The following CELF5 variants were observed in gnomAD, a reference collection of about 807,000 sequenced individuals.
The protein encoded by CELF5 is CUGBP Elav-like family member 5.
In CELF5, 6 loss-of-function variants were observed where a neutral mutation model predicts 54.9. That is an observed-to-expected ratio of 0.11 (90% CI 0.06 to 0.22). The LOEUF is 0.22. Ranked by LOEUF, CELF5 falls within the 10% of genes least tolerant of loss-of-function variation. CELF5 has a pLI of 1.00. For missense variants in CELF5, 401 were observed against 678.6 expected (o/e 0.59, Z 4.54); for synonymous variants, 271 against 290.9 (o/e 0.93, Z 0.70).
Position 3,272,771 on chromosome 19 carries a change from G to A in CELF5, c.343-1101G>A, listed in dbSNP as rs554875483. Among the ~76,000 whole-genome samples the A allele has an allele frequency of 1.5e-3, 226 of 152,292 alleles. 1 individual carries two copies. The highest frequency in any genetic ancestry group is 5.2e-3 in the African/African-American group (216 of 41,552). On this transcript the variant is annotated intron_variant, in intron 2 of 12. Transcript: ENST00000292672. ...GAGTGGGAAGAGTCCCTGCATGGGGGCTTTTAAGTTGGGTTTTGAAGGTTG... is the reference window on the plus strand; with the variant it reads ...GAGTGGGAAGAGTCCCTGCATGGGGACTTTTAAGTTGGGTTTTGAAGGTTG...
intron 11 of CELF5, among the ~76,000 whole-genome samples, chr19:3,291,053 G>A (rs1293438351): frequency 1.3e-5 from 2 of 151,820 alleles, no homozygotes; most frequent in Non-Finnish European, 2.9e-5. Context: ...TTGAACCCAG[G>A]AGTTCAAGAC....
At chr19:3,270,932 G>A (rs2079952130) in intron 2 of CELF5, among the ~76,000 whole-genome samples, 1 of 151,974 alleles carries the variant, frequency 6.6e-6, no homozygotes, top group Admixed American at 6.6e-5. Context: ...AGAACAAGGT[G>A]GGGGTGGAGG....
chr19:3,265,762 A>G (rs924178157), intron 2 of CELF5, among the ~76,000 whole-genome samples: 20 of 152,174 alleles, frequency 1.3e-4, no homozygotes, highest in Non-Finnish European at 2.2e-4. Flanking sequence ...CGGCTGCTCT[A>G]TGCAGTAGCC....
chr19:3,250,945 G>A (rs920303612), intron 1 of CELF5, 40 bp from the exon 2 acceptor site: 5 of 1,478,452 alleles, frequency 3.4e-6, no homozygotes, highest in Non-Finnish European at 4.7e-6. Context: ...CCATGGGTGT[G>A]CCCGTGCTCT....
Position 3,268,798 on chromosome 19 carries a change from A to G in CELF5, c.343-5074A>G, listed in dbSNP as rs1044102286. 1.3e-5 allele frequency among the ~76,000 whole-genome samples: 2 copies of G among 151,952 alleles called. No homozygotes were observed. The highest frequency in any genetic ancestry group is 2.4e-5 in the African/African-American group (1 of 41,356). ...AATGCCTGGGCAAGACAATGGAAGC[A>G]GATGGAGAGAGAGCACGGAAGACTT... is the stretch of plus-strand genomic sequence containing the variant. On this transcript the variant is annotated intron_variant, in intron 2 of 12. Coordinates refer to ENST00000292672, the MANE Select transcript of CELF5 (RefSeq NM_021938.4). The surrounding 1 kb of genome is among the most constrained non-coding windows in gnomAD (Gnocchi z 4.4).
At chr19:3,265,580 G>A (rs749097882) in intron 2 of CELF5, among the ~76,000 whole-genome samples, 7 of 151,922 alleles carry the variant, frequency 4.6e-5, no homozygotes, top group African/African-American at 7.3e-5. Flanking sequence ...TCCCACCCAC[G>A]CCATGACAGT....
At position 3,284,883 on chromosome 19, in the gene CELF5, C is replaced by T. The variant is rs921492429; in HGVS notation, c.1040-19C>T. 5 of 1,611,266 alleles carry T rather than the reference C, an allele frequency of 3.1e-6. No individual in the cohort carries two copies. In the Admixed American group the frequency reaches 8.4e-5, roughly 27 times the overall value. On this transcript the variant is annotated intron_variant, in intron 8 of 12. Coordinates refer to ENST00000292672, the MANE Select transcript of CELF5 (RefSeq NM_021938.4). ...CTTCTGCTGCTCCCGCCCCACTCAG[C>T]CCCTCTGTCTGCCCGCAGCTCAGAG...
chr19:3,248,906 C>CTTCCTTCCTTCCTT (rs1156318823), intron 1 of CELF5, among the ~76,000 whole-genome samples: 1 of 113,404 alleles, frequency 8.8e-6, no homozygotes, highest in African/African-American at 3.2e-5. Context: ...TCCTTCCTTC[C>CTTCCTTCCTTCCTT]TTTCTTTCTT....
intron 1 of CELF5, among the ~76,000 whole-genome samples, chr19:3,235,813 G>A (rs201678190): frequency 6.7e-6 from 1 of 149,874 alleles, no homozygotes. Context: ...TGGATGGATG[G>A]ATGTGTGGAT....
chr19:3,273,952 G>C, intron 3 of CELF5, 29 bp downstream of exon 3: 4 of 1,606,648 alleles, frequency 2.5e-6, no homozygotes, highest in Non-Finnish European at 3.4e-6. Context: ...CTGCCAGGCT[G>C]GGGGTTGGCG....
chr19:3,284,921 C>CGA lies in CELF5; in HGVS notation c.1062_1063dup (p.Thr355ArgfsTer63). ...CCGCAGCTCAGAGCCCGACTGTGGC[C>CGA]GAGACACTGCATCCTGCCTTCTCCG... is the stretch of plus-strand genomic sequence containing the variant. On this transcript the variant is annotated frameshift_variant, in exon 9 of 13. Transcript: ENST00000292672. LOFTEE classifies it high-confidence loss of function. The CGA allele has an allele frequency of 6.2e-7, 1 of 1,613,134 alleles. No individual in the cohort carries two copies. The highest frequency in any genetic ancestry group is 1.1e-5 in the South Asian group (1 of 90,982).
Position 3,263,806 on chromosome 19 carries a change from GA to G in CELF5, c.343-10064del, listed in dbSNP as rs1172473907. Among the ~76,000 whole-genome samples, 5 of 144,010 alleles carry G rather than the reference GA, an allele frequency of 3.5e-5. No individual in the cohort carries two copies. In the South Asian group the frequency reaches 6.2e-4, roughly 18 times the overall value. The allele number at this position is 144,010 out of a possible 152,430, so 94.5% of individuals were successfully genotyped here. A position where few individuals can be genotyped will look rare whatever the true frequency, so the allele number is the denominator to read the frequency against. On this transcript the variant is annotated intron_variant, in intron 2 of 12. Transcript: ENST00000292672. ...TGTGATTCCAGCTACTCAGGAGGCT[GA>G]AGAAGGAGAATCGCTTGAAACTGGG...
intron 2 of CELF5, among the ~76,000 whole-genome samples, chr19:3,266,667 A>G (rs867564720): frequency 2.2e-4 from 34 of 152,334 alleles, no homozygotes; most frequent in South Asian, 8.3e-4. Flanking sequence ...CCCCAGGATC[A>G]TCAGCCTCTG....
intron 10 of CELF5, among the ~76,000 whole-genome samples, chr19:3,287,231 G>T (rs1218756570): frequency 6.6e-6 from 1 of 151,300 alleles, no homozygotes; most frequent in Non-Finnish European, 1.5e-5. Context: ...TTGAGTGAAA[G>T]AAGCCAGATA....
chr19:3,242,328 G>A (rs558280723), intron 1 of CELF5, among the ~76,000 whole-genome samples: 14 of 152,086 alleles, frequency 9.2e-5, no homozygotes, highest in African/African-American at 3.1e-4. Flanking sequence ...GAGGTCAGGA[G>A]TTCAAGACTA....
intron 3 of CELF5, 125 bp downstream of exon 3, chr19:3,274,048 C>A: frequency 2.2e-6 from 2 of 907,276 alleles, no homozygotes; most frequent in Non-Finnish European, 3.5e-6. Flanking sequence ...TGGAACTGGC[C>A]TCCCTGCCCC....
At chr19:3,227,419 C>T (rs978338554) in intron 1 of CELF5, among the ~76,000 whole-genome samples, 3 of 152,132 alleles carry the variant, frequency 2.0e-5, no homozygotes, top group Admixed American at 6.5e-5. Context: ...TTTCTGGGAG[C>T]CCTGGCGTGG....
chr19:3,278,313 G>A lies in CELF5; in HGVS notation c.603+203G>A, dbSNP rs1287182235. ...TACACGTGTGAGTGTGTGCAGATGT[G>A]GAGGTGAGTAGGCAAGCGAAGTGTA... is the stretch of plus-strand genomic sequence containing the variant. On this transcript the variant is annotated intron_variant, in intron 5 of 12. Coordinates refer to ENST00000292672, the MANE Select transcript of CELF5 (RefSeq NM_021938.4). This position sits in a 1 kb window ranked among gnomAD's most constrained non-coding sequence, Gnocchi z 4.5. Among the ~76,000 whole-genome samples the A allele has an allele frequency of 6.6e-6, 1 of 152,140 alleles. No individual in the cohort carries two copies. Among genetic ancestry groups the A allele is most frequent in the East Asian group, 1.9e-4 (1 of 5,196 alleles).
chr19:3,265,091 C>T (rs2079863305), intron 2 of CELF5, among the ~76,000 whole-genome samples: 1 of 152,124 alleles, frequency 6.6e-6, no homozygotes, highest in Non-Finnish European at 1.5e-5. Flanking sequence ...AATCCCGGTG[C>T]TTTGGGAGGC....
Sources: gnomAD v4.1 joint callset for allele counts (sites outside exome capture counted in the v4.1 genomes callset) on GRCh38, gnomAD v4.1.1 for gene constraint, Gnocchi (gnomAD v3.1) non-coding constraint, MANE v1.5 for transcripts, NCBI Gene and HGNC (gene_info 2026-07-23, HGNC 2026-07-21) for gene names.